MACROD2: variants seen among roughly 807,000 people sequenced by gnomAD.
MACROD2 encodes mono-ADP ribosylhydrolase 2.
A neutral mutation model predicts 70.4 loss-of-function variants in MACROD2; 36 were observed. That is an observed-to-expected ratio of 0.51 (90% CI 0.39 to 0.68). MACROD2 has a LOEUF of 0.68. MACROD2 is among the 30% of genes least tolerant of loss of function. MACROD2 has a pLI of 0.00. For missense variants in MACROD2, 496 were observed against 538.4 expected (o/e 0.92, Z 0.78); for synonymous variants, 172 against 178.8 (o/e 0.96, Z 0.30).
intron 3 of MACROD2, among the ~76,000 whole-genome samples, chr20:14,365,572 C>T (rs8114785): frequency 0.2 from 29,650 of 151,778 alleles, 3,126 homozygotes; most frequent in South Asian, 0.35. Context: ...TTTCTTGTTT[C>T]GTTAACTGTT....
intron 3 of MACROD2, among the ~76,000 whole-genome samples, chr20:14,476,627 G>A (rs1207089152): frequency 6.6e-6 from 1 of 152,182 alleles, no homozygotes; most frequent in Non-Finnish European, 1.5e-5. Context: ...AAAGTGTTGG[G>A]ATTACAGGCG....
At chr20:15,749,191 C>T (rs1043514960) in intron 8 of MACROD2, among the ~76,000 whole-genome samples, 3 of 151,960 alleles carry the variant, frequency 2.0e-5, no homozygotes, top group African/African-American at 4.8e-5. Context: ...TTTTTATAAT[C>T]CTCTGTATTA....
At chr20:15,808,061 C>T (rs1003015131) in intron 8 of MACROD2, among the ~76,000 whole-genome samples, 2 of 151,978 alleles carry the variant, frequency 1.3e-5, no homozygotes, top group East Asian at 3.9e-4. Context: ...TCACGTACCC[C>T]CTCCTTGCTC....
At chr20:14,818,862 A>C (rs1169831932) in intron 5 of MACROD2, among the ~76,000 whole-genome samples, 1 of 108,332 alleles carries the variant, frequency 9.2e-6, no homozygotes, top group African/African-American at 3.7e-5. Flanking sequence ...GAGAGAGGAG[A>C]TAGAGGTGGC....
intron 8 of MACROD2, among the ~76,000 whole-genome samples, chr20:15,581,507 T>C (rs1377313602): frequency 6.6e-6 from 1 of 152,218 alleles, no homozygotes; most frequent in Non-Finnish European, 1.5e-5. Context: ...GAATTGTGTA[T>C]CCTTATATGA....
chr20:15,206,184 A>G (rs1221957989), intron 5 of MACROD2, among the ~76,000 whole-genome samples: 2 of 152,186 alleles, frequency 1.3e-5, no homozygotes, highest in Non-Finnish European at 2.9e-5. Context: ...TAAATATTTT[A>G]TTGAATATAT....
intron 9 of MACROD2, among the ~76,000 whole-genome samples, chr20:15,864,969 A>T (rs2064472304): frequency 6.6e-6 from 1 of 152,146 alleles, no homozygotes. Context: ...TACATAATAT[A>T]CCTTACCTGT....
At chr20:15,607,285 G>A (rs1331703906) in intron 8 of MACROD2, among the ~76,000 whole-genome samples, 5 of 152,176 alleles carry the variant, frequency 3.3e-5, no homozygotes. Flanking sequence ...ATTTTATTTT[G>A]AGTTGTATAA....
At chr20:15,227,479 C>T (rs1314666916) in intron 5 of MACROD2, among the ~76,000 whole-genome samples, 1 of 151,896 alleles carries the variant, frequency 6.6e-6, no homozygotes, top group Non-Finnish European at 1.5e-5. Flanking sequence ...TCTTGATCTT[C>T]TCCATCCACA....
At chr20:14,338,324 A>G (rs918333226) in intron 3 of MACROD2, among the ~76,000 whole-genome samples, 4 of 152,038 alleles carry the variant, frequency 2.6e-5, no homozygotes, top group Non-Finnish European at 5.9e-5. Flanking sequence ...CCAAGATTGC[A>G]CCATTGCACT....
At chr20:14,260,631 A>G (rs999396380) in intron 3 of MACROD2, among the ~76,000 whole-genome samples, 3 of 152,158 alleles carry the variant, frequency 2.0e-5, no homozygotes, top group African/African-American at 7.2e-5. Context: ...AGGCAATGTG[A>G]TGTAGTGGCT....
intron 5 of MACROD2, among the ~76,000 whole-genome samples, chr20:14,864,791 T>TA (rs928423089): frequency 1.2e-3 from 177 of 151,912 alleles, no homozygotes; most frequent in African/African-American, 4.0e-3. Flanking sequence ...CAGTTTGCTT[T>TA]AAAAAAAACA....
At chr20:15,429,344 A>T (rs964787506) in intron 6 of MACROD2, among the ~76,000 whole-genome samples, 3 of 152,190 alleles carry the variant, frequency 2.0e-5, no homozygotes, top group Non-Finnish European at 4.4e-5. Flanking sequence ...AATTTAATTT[A>T]AAAAGAGCAG....
intron 5 of MACROD2, among the ~76,000 whole-genome samples, chr20:14,743,233 C>A (rs1465087741): frequency 2.0e-5 from 3 of 151,974 alleles, no homozygotes; most frequent in Admixed American, 6.6e-5. Flanking sequence ...AATGCTGGTC[C>A]TTCCAAGATG....
chr20:15,546,602 A>C (rs182391164), intron 8 of MACROD2, among the ~76,000 whole-genome samples: 1 of 152,356 alleles, frequency 6.6e-6, no homozygotes, highest in East Asian at 1.9e-4. Context: ...AAAATGTTAG[A>C]GATATTGAAA....
At chr20:15,197,847 C>G (rs965805042) in intron 5 of MACROD2, among the ~76,000 whole-genome samples, 11 of 152,028 alleles carry the variant, frequency 7.2e-5, no homozygotes, top group Admixed American at 6.6e-4. Flanking sequence ...GAGGTGCACA[C>G]CATCACATCT....
At chr20:15,539,748 G>T (rs2047929186) in intron 8 of MACROD2, among the ~76,000 whole-genome samples, 1 of 152,196 alleles carries the variant, frequency 6.6e-6, no homozygotes, top group Non-Finnish European at 1.5e-5. Context: ...AGCACTTTGG[G>T]AGGCCAAGGC....
chr20:15,302,463 TACTC>T (rs1421882191), intron 6 of MACROD2, among the ~76,000 whole-genome samples: 1 of 152,330 alleles, frequency 6.6e-6, no homozygotes, highest in South Asian at 2.1e-4. Flanking sequence ...CTGTTTGCCT[TACTC>T]ACTTAACAGT....
In MACROD2 at chr20:15,047,660, T is replaced by C. The variant is rs546038395; in HGVS notation, c.419-182280T>C. Among the ~76,000 whole-genome samples, 4 of 152,206 alleles carry C rather than the reference T, an allele frequency of 2.6e-5. No homozygotes were observed. The East Asian group carries it at 7.8e-4, about 29-fold the overall frequency. On this transcript the variant is annotated intron_variant, in intron 5 of 17. Transcript: ENST00000684519. Reference sequence around the variant, plus strand: ...GCCACCCTGCCCCTCCAATTCTGGGTATATGGTAAGACTGCATTTACTGGA... The same window carrying C: ...GCCACCCTGCCCCTCCAATTCTGGGCATATGGTAAGACTGCATTTACTGGA...
Sources: gnomAD v4.1 joint callset for allele counts (sites outside exome capture counted in the v4.1 genomes callset) on GRCh38, gnomAD v4.1.1 for gene constraint, MANE v1.5 for transcripts, NCBI Gene and HGNC (gene_info 2026-07-23, HGNC 2026-07-21) for gene names.